STIMATE: variants seen among roughly 807,000 people sequenced by gnomAD.
STIMATE encodes the protein store-operated calcium entry regulator STIMATE.
Under a neutral mutation model 36.7 loss-of-function variants are expected in STIMATE, and 15 were observed. The ratio of observed to expected loss-of-function variants is 0.41; its 90% CI spans 0.27 to 0.63. The LOEUF is 0.63. STIMATE is among the 20% of genes least tolerant of loss of function. The pLI, the probability that STIMATE is intolerant of heterozygous loss-of-function variation, is 0.32. For missense variants in STIMATE, 305 were observed against 397.3 expected (o/e 0.77, Z 1.98); for synonymous variants, 163 against 162.3 (o/e 1.00, Z -0.03).
chr3:52,876,510 A>T (rs1701505048), intron 1 of STIMATE, among the ~76,000 whole-genome samples: 1 of 152,204 alleles, frequency 6.6e-6, no homozygotes, highest in Non-Finnish European at 1.5e-5. Context: ...CCACTTATAC[A>T]CGGATTTTCT....
chr3:52,864,612 C>T (rs1341811669), intron 1 of STIMATE, among the ~76,000 whole-genome samples: 1 of 152,278 alleles, frequency 6.6e-6, no homozygotes, highest in East Asian at 1.9e-4. Context: ...TCTTTTCTAT[C>T]ACACTGTCAG....
chr3:52,896,077 C>T, intron 1 of STIMATE: 1 of 534,790 alleles, frequency 1.9e-6, no homozygotes, highest in South Asian at 1.6e-5. Context: ...AAGGACAGGC[C>T]ACCAGAAGAA....
At chr3:52,858,220 A>T (rs537902708) in intron 1 of STIMATE, among the ~76,000 whole-genome samples, 1 of 152,346 alleles carries the variant, frequency 6.6e-6, no homozygotes, top group African/African-American at 2.4e-5. Flanking sequence ...TGGTGAACCT[A>T]GATGAAAGAT....
chr3:52,888,396 C>T (rs1351168364), intron 1 of STIMATE, among the ~76,000 whole-genome samples: 1 of 152,146 alleles, frequency 6.6e-6, no homozygotes, highest in Non-Finnish European at 1.5e-5. Context: ...GTGCAGAGAG[C>T]CCTGCTCGAT....
chr3:52,857,015 TGTTACTCCTGGTGGTGG>T (rs1701111588), intron 1 of STIMATE, among the ~76,000 whole-genome samples: 1 of 152,152 alleles, frequency 6.6e-6, no homozygotes, highest in East Asian at 1.9e-4. Flanking sequence ...GAAGATGCCT[TGTTACTCCTGGTGGTGG>T]GCAAGAACCA....
At chr3:52,850,797 C>G (rs1225046108) in intron 3 of STIMATE, among the ~76,000 whole-genome samples, 1 of 152,210 alleles carries the variant, frequency 6.6e-6, no homozygotes, top group African/African-American at 2.4e-5. Flanking sequence ...GCGGTGCAAT[C>G]AGCTCACTGC....
intron 1 of STIMATE, among the ~76,000 whole-genome samples, chr3:52,871,443 G>C (rs892373637): frequency 6.6e-6 from 1 of 152,108 alleles, no homozygotes; most frequent in African/African-American, 2.4e-5. Context: ...CTTAGTGGGA[G>C]TTAGCCAGCA....
intron 1 of STIMATE, among the ~76,000 whole-genome samples, chr3:52,863,264 A>G (rs1333212046): frequency 6.6e-6 from 1 of 152,214 alleles, no homozygotes; most frequent in African/African-American, 2.4e-5. Flanking sequence ...ACAGTTCCAC[A>G]TGGCTGGGGA....
At chr3:52,853,068 C>T (rs373353852) in intron 2 of STIMATE, among the ~76,000 whole-genome samples, 4 of 152,168 alleles carry the variant, frequency 2.6e-5, no homozygotes, top group Admixed American at 1.3e-4. Context: ...ATTAACAAGA[C>T]GTGCACAAAT....
At chr3:52,845,430 T>G (rs1245822167) in intron 4 of STIMATE, among the ~76,000 whole-genome samples, 1 of 151,958 alleles carries the variant, frequency 6.6e-6, no homozygotes, top group Non-Finnish European at 1.5e-5. Context: ...TCCCATCCCT[T>G]ACCCAACTCC....
chr3:52,849,089 A>T (rs1700954766), intron 4 of STIMATE, among the ~76,000 whole-genome samples: 1 of 152,102 alleles, frequency 6.6e-6, no homozygotes, highest in Admixed American at 6.5e-5. Flanking sequence ...AGGACAGGAG[A>T]GTGGGGATCC....
At chr3:52,855,335 G>GACC in intron 2 of STIMATE, 61 bp downstream of exon 2, 1 of 840,516 alleles carries the variant, frequency 1.2e-6, no homozygotes, top group Non-Finnish European at 1.8e-6. Flanking sequence ...CCCACCCCCA[G>GACC]CCCCAAGACC....
chr3:52,895,310 C>T (rs1237496526), intron 1 of STIMATE, among the ~76,000 whole-genome samples: 1 of 152,314 alleles, frequency 6.6e-6, no homozygotes, highest in South Asian at 2.1e-4. Flanking sequence ...AGTACCATTG[C>T]CCTGGCCTGC....
At chr3:52,885,167 T>C (rs1701670347) in intron 1 of STIMATE, among the ~76,000 whole-genome samples, 1 of 152,236 alleles carries the variant, frequency 6.6e-6, no homozygotes, top group Non-Finnish European at 1.5e-5. Context: ...TCCTGATGAG[T>C]AATGATATTG....
At chr3:52,871,786 T>C (rs4302374) in intron 1 of STIMATE, among the ~76,000 whole-genome samples, 36,216 of 152,098 alleles carry the variant, frequency 0.24, 4,647 homozygotes, top group Admixed American at 0.37. Flanking sequence ...ATTTAAGATC[T>C]GTGCAATTTA....
At chr3:52,881,742 G>C (rs1390345710) in intron 1 of STIMATE, among the ~76,000 whole-genome samples, 1 of 152,176 alleles carries the variant, frequency 6.6e-6, no homozygotes, top group African/African-American at 2.4e-5. Flanking sequence ...GAATAGCAAT[G>C]CTACAAACCA....
Position 52,840,345 on chromosome 3 carries a change from T to A in STIMATE, c.*149A>T. ...CTTCCCTCTTTTTAAGTCACAGTAG[T>A]CTGGGGGCAGGCGAGAGCGGGCAGA... On this transcript the variant is annotated 3_prime_UTR_variant, in exon 8 of 8. Transcript: ENST00000355083. The A allele has an allele frequency of 1.1e-6, 1 of 919,118 alleles. No individual in the cohort carries two copies. Among genetic ancestry groups the A allele is most frequent in the Non-Finnish European group, 1.6e-6 (1 of 620,334 alleles). 56.9% of individuals were successfully genotyped at this position (919,118 alleles called of 1,614,324 possible). A position where few individuals can be genotyped will look rare whatever the true frequency, so the allele number is the denominator to read the frequency against.
In STIMATE at chr3:52,868,747, T is replaced by C. The variant is rs184219849; in HGVS notation, c.161-13303A>G. On this transcript the variant is annotated intron_variant, in intron 1 of 7. Transcript: ENST00000355083. ...ACGTGATTCTCCTGCCTCAGCCTCC[T>C]GAGTAGCTGGGATTACAGGCACGCG... Among the ~76,000 whole-genome samples, 1,089 of 152,284 alleles carry C rather than the reference T, an allele frequency of 7.2e-3. 113 individuals carry two copies. The South Asian group carries it at 0.2, about 28-fold the overall frequency.
chr3:52,851,648 G>A (rs1296698864), intron 3 of STIMATE, among the ~76,000 whole-genome samples: 1 of 60,226 alleles, frequency 1.7e-5, no homozygotes, highest in Non-Finnish European at 4.9e-5. Flanking sequence ...CTGAGGCTAT[G>A]CTGCTCTCAG....
Sources: gnomAD v4.1 joint callset for allele counts (sites outside exome capture counted in the v4.1 genomes callset) on GRCh38, gnomAD v4.1.1 for gene constraint, MANE v1.5 for transcripts, NCBI Gene and HGNC (gene_info 2026-07-23, HGNC 2026-07-21) for gene names.